CCSER1: variants seen among roughly 807,000 people sequenced by gnomAD.
CCSER1 encodes the protein coiled-coil serine rich protein 1.
Under a neutral mutation model 82.0 loss-of-function variants are expected in CCSER1, and 41 were observed. The observed-to-expected ratio is 0.50, with a 90% confidence interval of 0.39 to 0.65. CCSER1 has a LOEUF of 0.65. Ranked by LOEUF, CCSER1 falls within the 30% of genes least tolerant of loss-of-function variation. The pLI is 0.00. For synonymous variants in CCSER1, 414 were observed against 383.9 expected, an observed-to-expected ratio of 1.08 and a Z score of -0.92; for missense variants, 1,119 against 1,064.2, an observed-to-expected ratio of 1.05 and a Z score of -0.72.
chr4:91,479,385 TAGAG>T (rs1757767292), intron 10 of CCSER1, among the ~76,000 whole-genome samples: 1 of 151,866 alleles, frequency 6.6e-6, no homozygotes, highest in African/African-American at 2.4e-5. Flanking sequence ...ACTGATATGA[TAGAG>T]AATTAGGATC....
intron 10 of CCSER1, among the ~76,000 whole-genome samples, chr4:91,228,732 A>C (rs1370294697): frequency 6.6e-6 from 1 of 152,104 alleles, no homozygotes; most frequent in African/African-American, 2.4e-5. Flanking sequence ...CCTTCACCTC[A>C]TAGCAAAAAA....
At chr4:91,151,666 A>G (rs557980096) in intron 10 of CCSER1, among the ~76,000 whole-genome samples, 1 of 152,114 alleles carries the variant, frequency 6.6e-6, no homozygotes, top group African/African-American at 2.4e-5. Context: ...AGATTCTGGT[A>G]TGTTGTGTCT....
intron 10 of CCSER1, among the ~76,000 whole-genome samples, chr4:91,153,097 C>A (rs769645820): frequency 2.0e-5 from 3 of 152,000 alleles, no homozygotes; most frequent in Admixed American, 6.5e-5. Flanking sequence ...TAATATCCCG[C>A]AGAGTGTTTT....
intron 10 of CCSER1, among the ~76,000 whole-genome samples, chr4:91,231,019 T>C (rs887002643): frequency 6.6e-6 from 1 of 151,878 alleles, no homozygotes; most frequent in Non-Finnish European, 1.5e-5. Context: ...AGTAAGAATA[T>C]AAGGTGTTTT....
chr4:91,577,285 G>A (rs1444204946), intron 10 of CCSER1, among the ~76,000 whole-genome samples: 1 of 151,782 alleles, frequency 6.6e-6, no homozygotes, highest in Non-Finnish European at 1.5e-5. Context: ...ACCTTGGGGG[G>A]CACAGAAAAA....
Position 91,514,786 on chromosome 4 carries a change from C to A in CCSER1, c.2218-83786C>A, listed in dbSNP as rs145612688. On this transcript the variant is annotated intron_variant, in intron 10 of 10. Coordinates refer to ENST00000509176, the MANE Select transcript of CCSER1 (RefSeq NM_001145065.2). Reference sequence around the variant, plus strand: ...AACCATGAGAGCTGATGGCATAGTTCCAGTCTGAAAGACAGCAGGCTCACA... The same window carrying A: ...AACCATGAGAGCTGATGGCATAGTTACAGTCTGAAAGACAGCAGGCTCACA... 3.0e-4 allele frequency among the ~76,000 whole-genome samples: 46 copies of A among 152,276 alleles called. No individual in the cohort carries two copies. In the East Asian group the frequency reaches 8.5e-3, roughly 28 times the overall value.
chr4:91,339,116 A>G lies in CCSER1; in HGVS notation c.2217+253122A>G, dbSNP rs1048214462. ...GTCTAGCATATAGAATTGTGCCTCA[A>G]TGCTGAAGGAATTTTGGTATAGGAA... On this transcript the variant is annotated intron_variant, in intron 10 of 10. Transcript: ENST00000509176. Among the ~76,000 whole-genome samples, 21 of 152,244 alleles carry G rather than the reference A, an allele frequency of 1.4e-4. No individual in the cohort carries two copies. The East Asian group carries it at 3.1e-3, about 22-fold the overall frequency.
chr4:90,219,714 G>A (rs1288629801), intron 1 of CCSER1, among the ~76,000 whole-genome samples: 1 of 152,084 alleles, frequency 6.6e-6, no homozygotes, highest in East Asian at 1.9e-4. Flanking sequence ...ATACTGACAA[G>A]CATACTTATT....
At chr4:90,322,268 T>C (rs997579462) in intron 3 of CCSER1, among the ~76,000 whole-genome samples, 34 of 152,358 alleles carry the variant, frequency 2.2e-4, no homozygotes, top group Admixed American at 1.9e-3. Context: ...TTGGCACTTT[T>C]GTTGAAAATG....
chr4:91,043,523 T>G (rs988337163), intron 9 of CCSER1, among the ~76,000 whole-genome samples: 1 of 147,504 alleles, frequency 6.8e-6, no homozygotes, highest in East Asian at 2.0e-4. Context: ...AGAGCGTCCA[T>G]AAGAGGGAAA....
chr4:90,628,002 GT>G, intron 5 of CCSER1, 22 bp from the exon 6 acceptor site: 1 of 1,545,956 alleles, frequency 6.5e-7, no homozygotes, highest in Non-Finnish European at 8.7e-7. Flanking sequence ...TGTAATTTTT[GT>G]TCTTTTTTTT....
At chr4:90,772,957 G>A (rs1205785834) in intron 7 of CCSER1, among the ~76,000 whole-genome samples, 2 of 152,108 alleles carry the variant, frequency 1.3e-5, no homozygotes, top group African/African-American at 2.4e-5. Context: ...AATGAGTGTA[G>A]AGGCCAGGCA....
intron 9 of CCSER1, among the ~76,000 whole-genome samples, chr4:90,973,650 A>C (rs909402700): frequency 6.6e-6 from 1 of 151,714 alleles, no homozygotes; most frequent in African/African-American, 2.4e-5. Flanking sequence ...CAGCAATCTT[A>C]CTTCTGGGTA....
In CCSER1 at chr4:90,628,156, T is replaced by G. The variant is rs1723673992; in HGVS notation, c.1856T>G (p.Leu619Arg). 1 of 1,613,782 alleles carries G rather than the reference T, an allele frequency of 6.2e-7. No homozygotes were observed. The stretch of plus-strand genomic sequence containing the variant: ...GAAGAAAACGGAGGCATAGATTCTC[T>G]GCCATTCAGACTGATGTTACAGGAC... Reference protein sequence around the residue: ...GVEENGGIDSLPFRLMLQDCT... With the variant: ...GVEENGGIDSRPFRLMLQDCT... Residue 619 changes from leucine to arginine, a missense_variant, in exon 6 of 11, where the codon CTG becomes CGG. Physicochemically the swap from Leu to Arg is moderately radical, Grantham distance 102 (BLOSUM62 -2). Transcript: ENST00000509176.
chr4:91,292,961 C>T (rs1312013487), intron 10 of CCSER1, among the ~76,000 whole-genome samples: 1 of 151,848 alleles, frequency 6.6e-6, no homozygotes, highest in East Asian at 1.9e-4. Context: ...GACCTGGGAC[C>T]CTTAAGTATA....
intron 10 of CCSER1, among the ~76,000 whole-genome samples, chr4:91,116,116 T>G (rs937312096): frequency 3.3e-5 from 5 of 152,096 alleles, no homozygotes; most frequent in Non-Finnish European, 5.9e-5. Flanking sequence ...TTTGGTTTTT[T>G]GCCCTTGCGA....
intron 7 of CCSER1, among the ~76,000 whole-genome samples, chr4:90,762,671 T>A (rs1028132042): frequency 5.3e-4 from 80 of 152,278 alleles, no homozygotes; most frequent in Non-Finnish European, 8.8e-4. Flanking sequence ...CCCAAATCCT[T>A]TTTGTTATTT....
At chr4:90,604,988 A>G (rs943238851) in intron 5 of CCSER1, among the ~76,000 whole-genome samples, 26 of 144,622 alleles carry the variant, frequency 1.8e-4, no homozygotes, top group Admixed American at 1.5e-3. Context: ...CAGCAGCGGC[A>G]ACTGAGTGAG....
chr4:91,269,782 G>T (rs531877260), intron 10 of CCSER1, among the ~76,000 whole-genome samples: 2 of 152,054 alleles, frequency 1.3e-5, no homozygotes, highest in East Asian at 1.9e-4. Flanking sequence ...CTTCCAGAGG[G>T]TGTAAGATAA....
Sources: gnomAD v4.1 joint callset for allele counts (sites outside exome capture counted in the v4.1 genomes callset) on GRCh38, gnomAD v4.1.1 for gene constraint, MANE v1.5 for transcripts, NCBI Gene and HGNC (gene_info 2026-07-23, HGNC 2026-07-21) for gene names.